SHISA9: variants seen among roughly 807,000 people sequenced by gnomAD.
SHISA9 encodes the protein shisa family member 9, also known as protein shisa-9.
SHISA9 carries 13 observed loss-of-function variants against 38.0 expected under a neutral mutation model. The observed-to-expected ratio is 0.34, with a 90% CI of 0.22 to 0.54. The LOEUF (loss-of-function observed/expected upper bound fraction) is 0.54. SHISA9 is among the 20% of genes least tolerant of loss of function. SHISA9 has a pLI of 0.91. For missense variants in SHISA9, 538 were observed against 575.8 expected, an observed-to-expected ratio of 0.93 and a Z score of 0.67; for synonymous variants, 275 against 242.0, an observed-to-expected ratio of 1.14 and a Z score of -1.27.
downstream of SHISA9, among the ~76,000 whole-genome samples, chr16:13,243,461 A>G (rs977021067): frequency 2.0e-5 from 3 of 152,096 alleles, no homozygotes; most frequent in Admixed American, 6.6e-5. Flanking sequence ...CTTCCAGGCT[A>G]TAGGTAAATT....
chr16:13,505,115 G>A, the SHISA9 span, among the ~76,000 whole-genome samples: 4 of 152,202 alleles, frequency 2.6e-5, no homozygotes. Context: ...GCAAGTGATT[G>A]CTAACAAATT....
Position 13,066,981 on chromosome 16 carries a change from G to C in SHISA9, c.692-136413G>C, listed in dbSNP as rs373717555. Among the ~76,000 whole-genome samples, 65 of 152,220 alleles carry C rather than the reference G, an allele frequency of 4.3e-4. 2 individuals are homozygous for C. The South Asian group carries it at 0.012, about 28-fold the overall frequency. ...GGGGAAAGTATTTCTACTGTATTGG[G>C]CTGGAGTATCATCAAGATCCCCTAG... is the stretch of plus-strand genomic sequence containing the variant. On this transcript the variant is annotated intron_variant, in intron 2 of 4. Coordinates refer to ENST00000558583, the MANE Select transcript of SHISA9 (RefSeq NM_001145204.3).
At chr16:13,353,144 G>C in the SHISA9 span, among the ~76,000 whole-genome samples, 7 of 152,120 alleles carry the variant, frequency 4.6e-5, no homozygotes, top group Non-Finnish European at 1.0e-4. Context: ...GCGGGATTGG[G>C]GGCGGTGTGG....
chr16:13,105,001 C>T (rs251919), intron 2 of SHISA9, among the ~76,000 whole-genome samples: 30,170 of 151,880 alleles, frequency 0.2, 3,287 homozygotes, highest in Non-Finnish European at 0.24. Flanking sequence ...ATAAAATGGG[C>T]GTAAATACTA....
the SHISA9 span, among the ~76,000 whole-genome samples, chr16:13,359,752 G>A: frequency 6.6e-6 from 1 of 152,198 alleles, no homozygotes; most frequent in Non-Finnish European, 1.5e-5. Context: ...GTTGGTGCCA[G>A]TGTCACTTTC....
intron 2 of SHISA9, among the ~76,000 whole-genome samples, chr16:12,961,111 CT>C (rs1447051191): frequency 2.0e-5 from 3 of 152,126 alleles, no homozygotes; most frequent in Admixed American, 2.0e-4. Context: ...GGAATCCAGG[CT>C]TTAGCTGAGA....
At chr16:13,101,189 A>G (rs2073875710) in intron 2 of SHISA9, among the ~76,000 whole-genome samples, 2 of 152,210 alleles carry the variant, frequency 1.3e-5, no homozygotes. Flanking sequence ...GATCTAATGT[A>G]CAGCCATGTG....
chr16:13,264,487 G>C, the SHISA9 span, among the ~76,000 whole-genome samples: 1 of 152,100 alleles, frequency 6.6e-6, no homozygotes, highest in African/African-American at 2.4e-5. Context: ...TAAATCTTGA[G>C]AGTGGAGGAA....
rs930054838 is a variant in SHISA9 at position 13,238,078 on chromosome 16, T to C, written c.*2669T>C. 10 of 152,228 alleles carry C rather than the reference T, an allele frequency of 6.6e-5. No homozygotes were observed. The highest frequency in any genetic ancestry group is 2.4e-4 in the African/African-American group (10 of 41,458). The allele number at this position is 152,228 out of a possible 1,614,324, so 9.4% of individuals were successfully genotyped here. On this transcript the variant is annotated 3_prime_UTR_variant, in exon 5 of 5. Coordinates refer to ENST00000558583, the MANE Select transcript of SHISA9 (RefSeq NM_001145204.3). Reference sequence around the variant, plus strand: ...TGATTAAATTCCAGCTGGAGTCTGTTGTCTGTGAGTCTGAACTAAAGCCTG... The same window carrying C: ...TGATTAAATTCCAGCTGGAGTCTGTCGTCTGTGAGTCTGAACTAAAGCCTG...
intron 2 of SHISA9, among the ~76,000 whole-genome samples, chr16:12,984,026 A>G (rs1418131776): frequency 6.6e-6 from 1 of 151,992 alleles, no homozygotes; most frequent in Non-Finnish European, 1.5e-5. Flanking sequence ...AAATGTAAAT[A>G]CTTGCTTCTT....
rs960804274 is a variant in SHISA9, at chr16:13,200,665, T to C, written c.692-2729T>C. On this transcript the variant is annotated intron_variant, in intron 2 of 4. Coordinates refer to ENST00000558583, the MANE Select transcript of SHISA9 (RefSeq NM_001145204.3). The stretch of plus-strand genomic sequence containing the variant: ...AACACCTTTTCTACTGTTACTTTAT[T>C]AATCCTGGGACTCTCCCATCGCAGC... 1.2e-4 allele frequency among the ~76,000 whole-genome samples: 10 copies of C among 81,014 alleles called. 3 individuals are homozygous for C. Among genetic ancestry groups the C allele is most frequent in the African/African-American group, 5.6e-4 (10 of 18,004 alleles). 53.1% of individuals were successfully genotyped at this position (81,014 alleles called of 152,430 possible).
At chr16:13,186,255 G>C (rs978714614) in intron 2 of SHISA9, among the ~76,000 whole-genome samples, 2 of 150,730 alleles carry the variant, frequency 1.3e-5, no homozygotes, top group African/African-American at 4.9e-5. Context: ...GAAATTGTGG[G>C]GAAAAAAATA....
chr16:13,444,437 AAGG>A, the SHISA9 span, among the ~76,000 whole-genome samples: 1 of 139,014 alleles, frequency 7.2e-6, no homozygotes, highest in Non-Finnish European at 1.6e-5. Flanking sequence ...GGAAGGAAGG[AAGG>A]GAGGAAACAA....
chr16:13,234,779 C>T (rs149780093), intron 4 of SHISA9, among the ~76,000 whole-genome samples: 4 of 152,202 alleles, frequency 2.6e-5, no homozygotes, highest in African/African-American at 9.6e-5. Flanking sequence ...GTGTTTATTT[C>T]GGAGGTCTAG....
At chr16:13,353,000 G>GGCTC in the SHISA9 span, among the ~76,000 whole-genome samples, 9 of 152,132 alleles carry the variant, frequency 5.9e-5, no homozygotes, top group Non-Finnish European at 1.0e-4. Flanking sequence ...ATGAGCCTTG[G>GGCTC]GCTCAGAGGC....
At chr16:13,019,436 G>C (rs1237677210) in intron 2 of SHISA9, among the ~76,000 whole-genome samples, 4 of 152,072 alleles carry the variant, frequency 2.6e-5, no homozygotes, top group Non-Finnish European at 5.9e-5. Flanking sequence ...CCTTTCCTCA[G>C]TGGGAGAGCT....
the SHISA9 span, among the ~76,000 whole-genome samples, chr16:13,249,065 G>T: frequency 6.6e-6 from 1 of 152,206 alleles, no homozygotes; most frequent in Non-Finnish European, 1.5e-5. Flanking sequence ...TCAGGTGCTG[G>T]TGGTTGGAAA....
At chr16:13,544,248 A>G in the SHISA9 span, among the ~76,000 whole-genome samples, 1 of 147,892 alleles carries the variant, frequency 6.8e-6, no homozygotes. Flanking sequence ...ATCTAGATAT[A>G]TTATATATAA....
intron 3 of SHISA9, among the ~76,000 whole-genome samples, chr16:13,204,094 A>G (rs1301570137): frequency 6.7e-6 from 1 of 149,820 alleles, no homozygotes; most frequent in Non-Finnish European, 1.5e-5. Context: ...TTATCTATCT[A>G]TATCATCTGT....
Sources: gnomAD v4.1 joint callset for allele counts (sites outside exome capture counted in the v4.1 genomes callset) on GRCh38, gnomAD v4.1.1 for gene constraint, MANE v1.5 for transcripts, NCBI Gene and HGNC (gene_info 2026-07-23, HGNC 2026-07-21) for gene names.